The following TMEM178B variants were observed in gnomAD, a reference collection of about 807,000 sequenced individuals.
TMEM178B encodes the protein transmembrane protein 178B.
Under a neutral mutation model 31.0 loss-of-function variants are expected in TMEM178B, and 5 were observed. The observed-to-expected ratio is 0.16, with a 90% confidence interval of 0.08 to 0.34. The LOEUF (loss-of-function observed/expected upper bound fraction) is 0.34, where lower values mean the gene tolerates loss of function less well. Ranked by LOEUF, TMEM178B falls within the 10% of genes least tolerant of loss-of-function variation. The probability of loss-of-function intolerance (pLI) is 1.00; values close to 1 mark genes in which losing one functional copy is unlikely to be tolerated. For missense variants in TMEM178B, 275 were observed against 400.3 expected (o/e 0.69, Z 2.67); for synonymous variants, 164 against 164.0 (o/e 1.00, Z 0.00).
At chr7:141,225,974 G>A (rs1014457730) in intron 2 of TMEM178B, among the ~76,000 whole-genome samples, 8 of 152,094 alleles carry the variant, frequency 5.3e-5, no homozygotes, top group African/African-American at 1.2e-4. Context: ...TTGCTTGGGC[G>A]CCTGGCACCA....
At chr7:141,337,222 C>T in intron 2 of TMEM178B, among the ~76,000 whole-genome samples, 1 of 131,038 alleles carries the variant, frequency 7.6e-6, no homozygotes, top group Admixed American at 7.7e-5. Flanking sequence ...TCACCACCAC[C>T]ACCACCACCA....
intron 1 of TMEM178B, among the ~76,000 whole-genome samples, chr7:141,160,035 G>A (rs1018247437): frequency 1.3e-4 from 17 of 131,162 alleles, no homozygotes; most frequent in African/African-American, 3.9e-4. Context: ...ATTTAGATAT[G>A]TAATATATAA....
chr7:141,400,755 T>C (rs1280207914), intron 2 of TMEM178B, among the ~76,000 whole-genome samples: 1 of 152,238 alleles, frequency 6.6e-6, no homozygotes, highest in African/African-American at 2.4e-5. Flanking sequence ...TAACCTTTCA[T>C]CTGGGCCTTG....
chr7:141,149,393 C>T (rs1379373114), intron 1 of TMEM178B, among the ~76,000 whole-genome samples: 1 of 152,086 alleles, frequency 6.6e-6, no homozygotes, highest in South Asian at 2.1e-4. Flanking sequence ...AAAAAAAATA[C>T]AAAAATTAGT....
chr7:141,244,932 G>A (rs1404404722), intron 2 of TMEM178B, among the ~76,000 whole-genome samples: 1 of 151,762 alleles, frequency 6.6e-6, no homozygotes, highest in Non-Finnish European at 1.5e-5. Flanking sequence ...GAGCTCAGGA[G>A]TTCGAAACCA....
chr7:141,247,018 G>A (rs1221850510), intron 2 of TMEM178B, among the ~76,000 whole-genome samples: 2 of 152,144 alleles, frequency 1.3e-5, no homozygotes, highest in Non-Finnish European at 2.9e-5. Flanking sequence ...CAGGGAACAT[G>A]TGTCTCTGAT....
At chr7:141,146,149 G>A (rs1265040635) in intron 1 of TMEM178B, among the ~76,000 whole-genome samples, 1 of 152,220 alleles carries the variant, frequency 6.6e-6, no homozygotes, top group Non-Finnish European at 1.5e-5. Context: ...GAGAGGTGAA[G>A]TAACTTGCTA....
intron 1 of TMEM178B, among the ~76,000 whole-genome samples, chr7:141,083,842 T>C (rs1794731763): frequency 2.0e-5 from 3 of 151,854 alleles, no homozygotes; most frequent in Admixed American, 6.6e-5. Context: ...GTTTAGTGTG[T>C]GGAATACTTC....
intron 1 of TMEM178B, among the ~76,000 whole-genome samples, chr7:141,151,364 G>C (rs1471722880): frequency 6.6e-6 from 1 of 152,168 alleles, no homozygotes; most frequent in Non-Finnish European, 1.5e-5. Context: ...CACAGCTAAA[G>C]AAACTGGGTC....
intron 1 of TMEM178B, among the ~76,000 whole-genome samples, chr7:141,126,335 G>C (rs1282528653): frequency 6.6e-6 from 1 of 152,198 alleles, no homozygotes; most frequent in African/African-American, 2.4e-5. Context: ...GATTGGGCAG[G>C]AGAGGTGGGC....
intron 1 of TMEM178B, among the ~76,000 whole-genome samples, chr7:141,119,531 C>T (rs1247576389): frequency 1.3e-5 from 2 of 151,978 alleles, no homozygotes; most frequent in Admixed American, 1.3e-4. Context: ...TACACAGAGA[C>T]GGTTCAAGCC....
chr7:141,507,773 T>C, the TMEM178B span, among the ~76,000 whole-genome samples: 1 of 152,214 alleles, frequency 6.6e-6, no homozygotes, highest in African/African-American at 2.4e-5. Flanking sequence ...CCAAGCTGTA[T>C]GTTGGCCCCT....
chr7:141,344,580 CTTCCT>C lies in TMEM178B; in HGVS notation c.497-93026_497-93022del, dbSNP rs1799578857. On this transcript the variant is annotated intron_variant, in intron 2 of 3. Transcript: ENST00000565468. The surrounding 1 kb of genome is among the most constrained non-coding windows in gnomAD (Gnocchi z 4.1). ...CCCTCCATTCCTCCCTCCTCCCTTC[CTTCCT>C]TCCTTCCTTCCTTCCTTCCTTCCTT... is the stretch of plus-strand genomic sequence containing the variant. 3.6e-5 allele frequency among the ~76,000 whole-genome samples: 3 copies of C among 83,486 alleles called. No homozygotes were observed. Among genetic ancestry groups the C allele is most frequent in the African/African-American group, 1.2e-4 (2 of 16,020 alleles). The allele number at this position is 83,486 out of a possible 152,430, so 54.8% of individuals were successfully genotyped here.
downstream of TMEM178B, among the ~76,000 whole-genome samples, chr7:141,482,011 C>A (rs773266642): frequency 1.3e-5 from 2 of 152,192 alleles, no homozygotes; most frequent in Non-Finnish European, 2.9e-5. Context: ...GGCCCCGATG[C>A]TCTGTGGACA....
intron 1 of TMEM178B, among the ~76,000 whole-genome samples, chr7:141,149,679 T>G (rs1795927659): frequency 6.6e-6 from 1 of 152,154 alleles, no homozygotes; most frequent in South Asian, 2.1e-4. Flanking sequence ...CAGAGACCCC[T>G]GGGGAGAACG....
chr7:141,425,737 T>C (rs1053770090), intron 2 of TMEM178B, among the ~76,000 whole-genome samples: 1 of 152,204 alleles, frequency 6.6e-6, no homozygotes, highest in African/African-American at 2.4e-5. Flanking sequence ...CGAGTACAAA[T>C]TTTGCAATTT....
intron 3 of TMEM178B, among the ~76,000 whole-genome samples, chr7:141,466,193 G>T (rs1296367286): frequency 3.3e-5 from 5 of 152,166 alleles, no homozygotes; most frequent in Non-Finnish European, 7.3e-5. Context: ...AGACATAAAG[G>T]TGTTTTCCCA....
downstream of TMEM178B, among the ~76,000 whole-genome samples, chr7:141,480,735 G>A (rs1184716494): frequency 6.6e-6 from 1 of 152,192 alleles, no homozygotes; most frequent in Admixed American, 6.5e-5. Flanking sequence ...CCCTCAACCT[G>A]TTTCCCAGTT....
chr7:141,266,069 T>C (rs1420548249), intron 2 of TMEM178B, among the ~76,000 whole-genome samples: 1 of 152,202 alleles, frequency 6.6e-6, no homozygotes, highest in Non-Finnish European at 1.5e-5. Context: ...ACATCAGCTC[T>C]TCTGGCATCA....
Sources: gnomAD v4.1 joint callset for allele counts (sites outside exome capture counted in the v4.1 genomes callset) on GRCh38, gnomAD v4.1.1 for gene constraint, Gnocchi (gnomAD v3.1) non-coding constraint, MANE v1.5 for transcripts, NCBI Gene and HGNC (gene_info 2026-07-23, HGNC 2026-07-21) for gene names.